ABLIM1: variants seen among roughly 807,000 people sequenced by gnomAD.
The protein encoded by ABLIM1 is actin binding LIM protein 1.
Under a neutral mutation model 107.0 loss-of-function variants are expected in ABLIM1, and 40 were observed. The observed-to-expected ratio is 0.37, with a 90% confidence interval of 0.29 to 0.49. The LOEUF (loss-of-function observed/expected upper bound fraction) is 0.49. ABLIM1 is among the 20% of genes least tolerant of loss of function. ABLIM1 has a pLI of 0.97. For missense variants in ABLIM1, 857 were observed against 1,008.5 expected, an observed-to-expected ratio of 0.85 and a Z score of 2.04; for synonymous variants, 357 against 357.3, an observed-to-expected ratio of 1.00 and a Z score of 0.01.
chr10:114,793,172 A>G, the ABLIM1 span, among the ~76,000 whole-genome samples: 3 of 152,120 alleles, frequency 2.0e-5, no homozygotes, highest in African/African-American at 7.2e-5. Flanking sequence ...AAAAGAAAAA[A>G]AGAAATGCAA....
chr10:114,506,295 C>T (rs2061131880), intron 6 of ABLIM1, among the ~76,000 whole-genome samples: 1 of 152,190 alleles, frequency 6.6e-6, no homozygotes, highest in Non-Finnish European at 1.5e-5. Context: ...CATGTCTTTG[C>T]TATTGTGAAC....
intron 1 of ABLIM1, chr10:114,631,870 A>G (rs1474112873): frequency 3.1e-6 from 4 of 1,302,294 alleles, no homozygotes; most frequent in Non-Finnish European, 4.0e-6. Flanking sequence ...CAACTTCTGC[A>G]ACCATGCACA....
intron 3 of ABLIM1, among the ~76,000 whole-genome samples, chr10:114,573,834 A>T (rs978229783): frequency 6.6e-6 from 1 of 152,196 alleles, no homozygotes; most frequent in African/African-American, 2.4e-5. Context: ...GGGAAGTAAG[A>T]CTGGGACTTG....
intron 2 of ABLIM1, among the ~76,000 whole-genome samples, chr10:114,588,359 C>T (rs2074417085): frequency 7.4e-6 from 1 of 135,744 alleles, no homozygotes; most frequent in African/African-American, 3.3e-5. Flanking sequence ...TTTAATGAGG[C>T]TGTTTTGAAA....
intron 6 of ABLIM1, among the ~76,000 whole-genome samples, chr10:114,539,838 T>C (rs771540873): frequency 2.0e-5 from 3 of 151,506 alleles, no homozygotes; most frequent in Non-Finnish European, 2.9e-5. Flanking sequence ...TCTTCCAGCT[T>C]CCTGTTACCA....
At chr10:114,787,348 C>T in the ABLIM1 span, among the ~76,000 whole-genome samples, 336 of 151,892 alleles carry the variant, frequency 2.2e-3, 5 homozygotes, top group African/African-American at 7.0e-3. Context: ...GCAGCCACCC[C>T]GTCTGGGAAG....
chr10:114,782,399 C>T, the ABLIM1 span, among the ~76,000 whole-genome samples: 9 of 152,124 alleles, frequency 5.9e-5, no homozygotes, highest in South Asian at 4.2e-4. Context: ...CAAGGAACTA[C>T]CCACAGAAAG....
At chr10:114,616,172 G>GA (rs1158181570) in intron 1 of ABLIM1, among the ~76,000 whole-genome samples, 2 of 151,218 alleles carry the variant, frequency 1.3e-5, no homozygotes, top group African/African-American at 2.4e-5. Flanking sequence ...GTCTCTATAA[G>GA]AAAAAAAAAG....
intron 2 of ABLIM1, among the ~76,000 whole-genome samples, chr10:114,585,213 T>A (rs535087244): frequency 6.6e-6 from 1 of 152,342 alleles, no homozygotes; most frequent in African/African-American, 2.4e-5. Context: ...AATTTTGGAC[T>A]CAAAGGTAAG....
At chr10:114,676,839 G>A (rs922142393) in intron 1 of ABLIM1, among the ~76,000 whole-genome samples, 12 of 152,232 alleles carry the variant, frequency 7.9e-5, no homozygotes, top group Admixed American at 1.3e-4. Flanking sequence ...GGGTTCAAGC[G>A]ATTCTCCTGC....
At position 114,529,344 on chromosome 10, in the gene ABLIM1, C is replaced by T. The variant is rs201008142; in HGVS notation, c.894+15661G>A. 9.2e-5 allele frequency among the ~76,000 whole-genome samples: 14 copies of T among 152,064 alleles called. 1 individual carries two copies. In the South Asian group the frequency reaches 2.9e-3, roughly 32 times the overall value. ...TTCACCGTGGTGGCCAGGATGGTCTCGATCTCTTGAACTCATGATCGCCTG... is the reference window on the plus strand; with the variant it reads ...TTCACCGTGGTGGCCAGGATGGTCTTGATCTCTTGAACTCATGATCGCCTG... On this transcript the variant is annotated intron_variant, in intron 6 of 22. Transcript: ENST00000533213.
At chr10:114,602,579 G>C (rs1053033471) in intron 1 of ABLIM1, among the ~76,000 whole-genome samples, 19 of 152,208 alleles carry the variant, frequency 1.2e-4, no homozygotes, top group Admixed American at 2.0e-4. Flanking sequence ...GCAGGCCTAT[G>C]ATGAGCCTCC....
intron 12 of ABLIM1, among the ~76,000 whole-genome samples, chr10:114,459,988 A>G (rs186230179): frequency 6.6e-6 from 1 of 152,352 alleles, no homozygotes; most frequent in African/African-American, 2.4e-5. Flanking sequence ...GGAAAAGTAA[A>G]TATTTCTTAA....
At chr10:114,691,002 A>G (rs1591832425) in intron 1 of ABLIM1, among the ~76,000 whole-genome samples, 1 of 152,358 alleles carries the variant, frequency 6.6e-6, no homozygotes, top group East Asian at 1.9e-4. Flanking sequence ...TTTTTCAAAT[A>G]GTTATTCTGA....
At chr10:114,656,086 C>T (rs970355395) in intron 1 of ABLIM1, among the ~76,000 whole-genome samples, 1 of 152,056 alleles carries the variant, frequency 6.6e-6, no homozygotes, top group Non-Finnish European at 1.5e-5. Context: ...GCCTGGCCAA[C>T]ATGGTGAAAC....
At chr10:114,723,148 C>A (rs1404952359) in intron 1 of ABLIM1, among the ~76,000 whole-genome samples, 6 of 152,174 alleles carry the variant, frequency 3.9e-5, no homozygotes, top group Non-Finnish European at 8.8e-5. Flanking sequence ...CTTATTCAAT[C>A]CTTTCTAAGT....
At chr10:114,524,454 G>C (rs75118751) in intron 6 of ABLIM1, among the ~76,000 whole-genome samples, 1,717 of 152,156 alleles carry the variant, frequency 0.011, 4 homozygotes, top group Non-Finnish European at 0.019. Context: ...AATCAAAACA[G>C]TTTGAGACCC....
chr10:114,534,675 A>G (rs991932297), intron 6 of ABLIM1, among the ~76,000 whole-genome samples: 8 of 152,150 alleles, frequency 5.3e-5, no homozygotes, highest in South Asian at 2.1e-4. Flanking sequence ...CACATGCTCA[A>G]TAATCCTGGT....
intron 1 of ABLIM1, among the ~76,000 whole-genome samples, chr10:114,726,429 A>G (rs893870974): frequency 5.3e-5 from 8 of 152,240 alleles, no homozygotes; most frequent in Middle Eastern, 3.4e-3. Flanking sequence ...ATCATGGTAT[A>G]AGGCAAAGGG....
Sources: allele counts gnomAD v4.1 joint callset (sites outside exome capture counted in the v4.1 genomes callset), GRCh38; gene constraint gnomAD v4.1.1; transcripts MANE v1.5; gene names NCBI Gene and HGNC (gene_info 2026-07-23, HGNC 2026-07-21).